The following LYPD6B variants were observed in gnomAD, a reference collection of about 807,000 sequenced individuals.
LYPD6B encodes the protein ly6/PLAUR domain-containing protein 6B.
Under a neutral mutation model 22.8 loss-of-function variants are expected in LYPD6B, and 17 were observed. The observed-to-expected ratio is 0.75, with a 90% confidence interval of 0.51 to 1.12. The LOEUF (loss-of-function observed/expected upper bound fraction) is 1.12, where lower values mean the gene tolerates loss of function less well. LYPD6B is among the 50% of genes most tolerant of loss of function. The pLI, the probability that LYPD6B is intolerant of heterozygous loss-of-function variation, is 0.00. For missense variants in LYPD6B, 221 were observed against 258.3 expected, an observed-to-expected ratio of 0.86 and a Z score of 0.99; for synonymous variants, 106 against 91.6, an observed-to-expected ratio of 1.16 and a Z score of -0.90.
chr2:149,039,146 C>T (rs1682950825), intron 1 of LYPD6B, among the ~76,000 whole-genome samples: 1 of 152,144 alleles, frequency 6.6e-6, no homozygotes, highest in Non-Finnish European at 1.5e-5. Context: ...AGAGGAGATA[C>T]TGGGGGTCAA....
chr2:149,160,534 T>C, intron 2 of LYPD6B: 1 of 636,684 alleles, frequency 1.6e-6, no homozygotes, highest in East Asian at 3.2e-5. Context: ...CCCAGGTGTG[T>C]GTTAATAAAA....
intron 1 of LYPD6B, among the ~76,000 whole-genome samples, chr2:149,060,308 A>G (rs1365488557): frequency 6.6e-6 from 1 of 152,156 alleles, no homozygotes; most frequent in Non-Finnish European, 1.5e-5. Context: ...CTGCTGCTGT[A>G]TCTTTAAAAT....
intron 1 of LYPD6B, among the ~76,000 whole-genome samples, chr2:149,049,883 C>T (rs1683472141): frequency 6.6e-6 from 1 of 152,126 alleles, no homozygotes; most frequent in Non-Finnish European, 1.5e-5. Flanking sequence ...GAGGAAAAAG[C>T]TATGTTAGCA....
chr2:149,181,124 C>G (rs921389723), intron 3 of LYPD6B, among the ~76,000 whole-genome samples: 1 of 152,140 alleles, frequency 6.6e-6, no homozygotes, highest in Non-Finnish European at 1.5e-5. Flanking sequence ...CTACCCCACA[C>G]CCCTCTCAAT....
At chr2:149,040,854 A>G (rs965205872) in intron 1 of LYPD6B, among the ~76,000 whole-genome samples, 3 of 152,154 alleles carry the variant, frequency 2.0e-5, no homozygotes, top group Non-Finnish European at 4.4e-5. Flanking sequence ...CTTTTCATTC[A>G]TTGTTTTTTG....
chr2:149,079,109 T>C (rs757203435), intron 1 of LYPD6B, among the ~76,000 whole-genome samples: 99 of 151,124 alleles, frequency 6.6e-4, no homozygotes, highest in Non-Finnish European at 1.2e-3. Flanking sequence ...AATATTACCA[T>C]GGTGTGAATT....
At chr2:149,183,833 ATATGTG>A (rs1167426085) in intron 3 of LYPD6B, among the ~76,000 whole-genome samples, 5 of 148,834 alleles carry the variant, frequency 3.4e-5, no homozygotes, top group Admixed American at 6.8e-5. Flanking sequence ...ACATATACAT[ATATGTG>A]TATGTGTATG....
chr2:149,039,317 T>A (rs1291992415), intron 1 of LYPD6B, among the ~76,000 whole-genome samples: 1 of 152,230 alleles, frequency 6.6e-6, no homozygotes. Context: ...TGTTGTTGAA[T>A]AACCTACCTT....
intron 1 of LYPD6B, among the ~76,000 whole-genome samples, chr2:149,085,580 T>C (rs962582095): frequency 6.6e-6 from 1 of 152,194 alleles, no homozygotes; most frequent in African/African-American, 2.4e-5. Flanking sequence ...TCCTTTAAAG[T>C]AGTTTCTTAA....
chr2:149,209,431 G>A (rs375355831), intron 5 of LYPD6B, among the ~76,000 whole-genome samples: 1 of 152,286 alleles, frequency 6.6e-6, no homozygotes, highest in East Asian at 1.9e-4. Flanking sequence ...TGGATGAATT[G>A]AAATGTTAAA....
intron 1 of LYPD6B, among the ~76,000 whole-genome samples, chr2:149,074,482 G>A (rs933022389): frequency 2.0e-5 from 3 of 152,192 alleles, no homozygotes; most frequent in Non-Finnish European, 4.4e-5. Flanking sequence ...GTTCTCTGAG[G>A]TTTTCTCCCT....
intron 2 of LYPD6B, among the ~76,000 whole-genome samples, chr2:149,144,307 G>A (rs918055172): frequency 8.9e-6 from 1 of 112,794 alleles, no homozygotes; most frequent in African/African-American, 2.9e-5. Flanking sequence ...GGGTCTTTGG[G>A]CACTGACTTT....
chr2:149,127,070 T>C (rs1270521402), intron 1 of LYPD6B, among the ~76,000 whole-genome samples: 2 of 151,870 alleles, frequency 1.3e-5, no homozygotes, highest in Non-Finnish European at 2.9e-5. Flanking sequence ...TATGGCTAGT[T>C]TGCAAATCTT....
intron 1 of LYPD6B, among the ~76,000 whole-genome samples, chr2:149,124,526 C>T (rs1444341458): frequency 1.3e-5 from 2 of 152,138 alleles, no homozygotes; most frequent in African/African-American, 4.8e-5. Flanking sequence ...GCATTCTCAA[C>T]TAGGGTTGTC....
At chr2:149,060,428 C>G (rs1452661161) in intron 1 of LYPD6B, among the ~76,000 whole-genome samples, 2 of 152,188 alleles carry the variant, frequency 1.3e-5, no homozygotes, top group African/African-American at 4.8e-5. Context: ...TATCCCTTTT[C>G]TGGGAAGGGG....
At chr2:149,119,739 A>G (rs1322474989) in intron 1 of LYPD6B, among the ~76,000 whole-genome samples, 1 of 152,202 alleles carries the variant, frequency 6.6e-6, no homozygotes, top group Admixed American at 6.5e-5. Context: ...AACATATTCT[A>G]AAAGCTCCAG....
chr2:149,058,017 T>C lies in LYPD6B; in HGVS notation c.-67+19216T>C, dbSNP rs75215568. ...GTCCATTCCTAGGAAATGGGTGGCATTCAACATGTAGAAGAAAGGGCATTT... is the reference window on the plus strand; with the variant it reads ...GTCCATTCCTAGGAAATGGGTGGCACTCAACATGTAGAAGAAAGGGCATTT... On this transcript the variant is annotated intron_variant, in intron 1 of 6. Coordinates refer to ENST00000409642, the MANE Select transcript of LYPD6B (RefSeq NM_177964.5). 8.0e-3 allele frequency among the ~76,000 whole-genome samples: 1,223 copies of C among 152,314 alleles called. 18 individuals carry two copies. The highest frequency in any genetic ancestry group is 0.026 in the African/African-American group (1,068 of 41,564).
chr2:149,053,655 G>C (rs1484616366), intron 1 of LYPD6B, among the ~76,000 whole-genome samples: 1 of 152,118 alleles, frequency 6.6e-6, no homozygotes, highest in Non-Finnish European at 1.5e-5. Context: ...TTAAAAAGTT[G>C]TGCAACCATC....
intron 3 of LYPD6B, among the ~76,000 whole-genome samples, chr2:149,170,560 G>A (rs1690748318): frequency 1.3e-5 from 2 of 152,138 alleles, no homozygotes; most frequent in South Asian, 2.1e-4. Context: ...TGTGTGTTCA[G>A]TTCATTTCAA....
Sources: allele counts gnomAD v4.1 joint callset (sites outside exome capture counted in the v4.1 genomes callset), GRCh38; gene constraint gnomAD v4.1.1; transcripts MANE v1.5; gene names NCBI Gene and HGNC (gene_info 2026-07-23, HGNC 2026-07-21).